Variants in RPF2 observed in about 807,000 individuals in gnomAD.
RPF2 encodes ribosome production factor 2 homolog.
In RPF2, 21 loss-of-function variants were observed where a neutral mutation model predicts 38.9. That is an observed-to-expected ratio of 0.54 (90% CI 0.38 to 0.78). The LOEUF is 0.78. Ranked by LOEUF, RPF2 falls within the 30% of genes least tolerant of loss-of-function variation. The pLI is 0.00. For missense variants in RPF2, 314 were observed against 358.1 expected, an observed-to-expected ratio of 0.88 and a Z score of 0.99; for synonymous variants, 121 against 126.2, an observed-to-expected ratio of 0.96 and a Z score of 0.28.
intron 8 of RPF2, among the ~76,000 whole-genome samples, chr6:111,019,381 A>G (rs1772187540): frequency 1.3e-5 from 2 of 152,158 alleles, no homozygotes; most frequent in Admixed American, 1.3e-4. Flanking sequence ...CAGAGGTTGC[A>G]ATGAGCTGAG....
chr6:111,005,740 T>TC (rs1345447846), intron 6 of RPF2, among the ~76,000 whole-genome samples: 1 of 151,794 alleles, frequency 6.6e-6, no homozygotes, highest in Non-Finnish European at 1.5e-5. Context: ...AAGTGATCCT[T>TC]CCACCCCAGC....
rs1436106936 is a variant in RPF2 at position 110,994,734 on chromosome 6, T to TATATATATATATATATATAC, written c.235-2448_235-2447insTATATATATATATATATACA. On this transcript the variant is annotated intron_variant, in intron 4 of 9. Coordinates refer to ENST00000441448, the MANE Select transcript of RPF2 (RefSeq NM_032194.3). Reference sequence around the variant, plus strand: ...TTGTGGAGAATGGGATGAGTATATATACACACACACACACACACACACACA... The same window carrying TATATATATATATATATATAC: ...TTGTGGAGAATGGGATGAGTATATATATATATATATATATATATACACACACACACACACACACACACACA... 3.4e-3 allele frequency among the ~76,000 whole-genome samples: 457 copies of TATATATATATATATATATAC among 134,050 alleles called. 6 individuals carry two copies. Among genetic ancestry groups the TATATATATATATATATATAC allele is most frequent in the African/African-American group, 0.014 (440 of 31,164 alleles). The allele number at this position is 134,050 out of a possible 152,430, so 87.9% of individuals were successfully genotyped here.
intron 6 of RPF2, among the ~76,000 whole-genome samples, chr6:111,007,633 T>C (rs2114328416): frequency 6.6e-6 from 1 of 152,262 alleles, no homozygotes; most frequent in Middle Eastern, 3.4e-3. Flanking sequence ...TAAATTAGTG[T>C]AAAGTATTGA....
At chr6:110,988,964 T>A (rs1253771945) in intron 2 of RPF2, 64 bp from the exon 3 acceptor site, 1 of 1,551,972 alleles carries the variant, frequency 6.4e-7, no homozygotes, top group Admixed American at 1.9e-5. Context: ...GTTATGATGC[T>A]TTATTTTTAT....
chr6:111,011,929 C>T (rs1772022620), intron 7 of RPF2, among the ~76,000 whole-genome samples: 1 of 152,078 alleles, frequency 6.6e-6, no homozygotes, highest in Non-Finnish European at 1.5e-5. Context: ...GGAACAGATT[C>T]AGACTGTAGG....
At chr6:111,012,620 G>A (rs1772039536) in intron 7 of RPF2, among the ~76,000 whole-genome samples, 1 of 152,012 alleles carries the variant, frequency 6.6e-6, no homozygotes, top group South Asian at 2.1e-4. Context: ...TTACCAAGTG[G>A]CATATTAAAG....
intron 8 of RPF2, among the ~76,000 whole-genome samples, chr6:111,016,862 G>A (rs1480377305): frequency 6.6e-6 from 1 of 151,408 alleles, no homozygotes; most frequent in East Asian, 2.0e-4. Flanking sequence ...CTGGGTACTT[G>A]AGATTAGGGA....
chr6:111,012,851 G>A (rs1018685249), intron 7 of RPF2, among the ~76,000 whole-genome samples: 5 of 151,996 alleles, frequency 3.3e-5, no homozygotes, highest in African/African-American at 1.2e-4. Context: ...TGTATTTTTT[G>A]TAGAGACAGA....
chr6:110,993,301 T>C (rs966540298), intron 4 of RPF2, among the ~76,000 whole-genome samples: 1 of 64,482 alleles, frequency 1.6e-5, no homozygotes, highest in Non-Finnish European at 2.8e-5. Flanking sequence ...CTTTTTAATG[T>C]TTTTTTTTCT....
chr6:110,989,403 C>T (rs963881659), intron 3 of RPF2, among the ~76,000 whole-genome samples: 3 of 152,048 alleles, frequency 2.0e-5, no homozygotes, highest in African/African-American at 7.2e-5. Flanking sequence ...AAATTAACAC[C>T]GATTCACTCA....
rs75632207 is a variant in RPF2 at position 110,991,801 on chromosome 6, C to A, written c.234+15C>A. ...AGACATCACTGGTAAGTATAATAATCTTTATGATTTAAGAAAGCATATAAG... is the reference window on the plus strand; with the variant it reads ...AGACATCACTGGTAAGTATAATAATATTTATGATTTAAGAAAGCATATAAG... On this transcript the variant is annotated intron_variant, in intron 4 of 9. Coordinates refer to ENST00000441448, the MANE Select transcript of RPF2 (RefSeq NM_032194.3). 2.7e-4 allele frequency: 286 copies of A among 1,072,442 alleles called. 3 individuals are homozygous for A. The African/African-American group carries it at 3.4e-3, about 13-fold the overall frequency. The allele number at this position is 1,072,442 out of a possible 1,614,324, so 66.4% of individuals were successfully genotyped here. A position where few individuals can be genotyped will look rare whatever the true frequency, so the allele number is the denominator to read the frequency against.
At chr6:111,014,578 A>G (rs945925132) in intron 7 of RPF2, among the ~76,000 whole-genome samples, 5 of 152,360 alleles carry the variant, frequency 3.3e-5, no homozygotes, top group African/African-American at 1.2e-4. Flanking sequence ...GGACTAGAAC[A>G]GAATTTCCCA....
At chr6:110,982,847 C>G (rs1335334474) in intron 1 of RPF2, among the ~76,000 whole-genome samples, 2 of 152,188 alleles carry the variant, frequency 1.3e-5, no homozygotes, top group Non-Finnish European at 2.9e-5. Context: ...GCTGTTTGGA[C>G]TACAAAGAGT....
chr6:111,016,678 TTTTTC>T (rs1302646492), intron 8 of RPF2, among the ~76,000 whole-genome samples: 37 of 125,072 alleles, frequency 3.0e-4, no homozygotes, highest in Middle Eastern at 4.0e-3. Context: ...TTCTTTTTTT[TTTTTC>T]TTTCTTTTTT....
Position 110,990,695 on chromosome 6 carries a change from C to T in RPF2, c.195-1052C>T, listed in dbSNP as rs371729557. Among the ~76,000 whole-genome samples, 5 of 151,890 alleles carry T rather than the reference C, an allele frequency of 3.3e-5. 1 individual carries two copies. The East Asian group carries it at 5.8e-4, about 18-fold the overall frequency. ...TGGCTCCTGGGTTCAAGCGATTCTCCTGCCTCAGCCTCCTGAGTAGCTGGG... is the reference window on the plus strand; with the variant it reads ...TGGCTCCTGGGTTCAAGCGATTCTCTTGCCTCAGCCTCCTGAGTAGCTGGG... On this transcript the variant is annotated intron_variant, in intron 3 of 9. Coordinates refer to ENST00000441448, the MANE Select transcript of RPF2 (RefSeq NM_032194.3).
Position 110,989,065 on chromosome 6 carries a change from A to G in RPF2, c.194A>G (p.Lys65Arg). Residue 65 changes from lysine (K) to arginine (R), a missense_variant and splice_region_variant, in exon 3 of 10, where the codon AAG becomes AGG. Lys to Arg is a conservative substitution (Grantham distance 26). Transcript: ENST00000441448. ...AAACCATACGGTGTACTATATAAAA[A>G]GTAAGTCATGATTTCTTTTACTGTA... Reference protein sequence around the residue: ...LKKPYGVLYKKKNITRPFEDQ... With the variant: ...LKKPYGVLYKRKNITRPFEDQ... The G allele has an allele frequency of 6.4e-7, 1 of 1,557,812 alleles. No individual in the cohort carries two copies.
chr6:110,999,145 G>A (rs535099180), intron 5 of RPF2, among the ~76,000 whole-genome samples: 1 of 151,872 alleles, frequency 6.6e-6, no homozygotes, highest in Non-Finnish European at 1.5e-5. Flanking sequence ...TGGTCTCTTC[G>A]GGCTCTCAGC....
intron 3 of RPF2, 133 bp downstream of exon 3, chr6:110,989,198 A>G: frequency 2.1e-6 from 2 of 957,912 alleles, no homozygotes; most frequent in South Asian, 5.1e-5. Context: ...TAATATTTTA[A>G]TTTCTTTCTT....
Position 110,989,450 on chromosome 6 carries a change from G to C in RPF2, c.194+385G>C, listed in dbSNP as rs1771580391. ...TGACAGACATATTTGATTAGCACCA[G>C]TTTTTCTTTTTTCCTTCTTTTGAGA... On this transcript the variant is annotated intron_variant, in intron 3 of 9. Transcript: ENST00000441448. Among the ~76,000 whole-genome samples the C allele has an allele frequency of 3.9e-5, 6 of 152,112 alleles. 2 individuals carry two copies. The South Asian group carries it at 1.2e-3, about 32-fold the overall frequency.
Sources: gnomAD v4.1 joint callset for allele counts (sites outside exome capture counted in the v4.1 genomes callset) on GRCh38, gnomAD v4.1.1 for gene constraint, MANE v1.5 for transcripts, NCBI Gene and HGNC (gene_info 2026-07-23, HGNC 2026-07-21) for gene names.